Variants in LAMP1 observed in about 807,000 individuals in gnomAD.
The protein encoded by LAMP1 is lysosome associated membrane protein 1, also known as lysosome-associated membrane glycoprotein 1.
A neutral mutation model predicts 37.5 loss-of-function variants in LAMP1; 7 were observed. The ratio of observed to expected loss-of-function variants is 0.19; its 90% CI spans 0.11 to 0.35. The LOEUF is 0.35. Among genes scored for constraint, LAMP1 ranks in the 10% least tolerant of loss-of-function variants. The probability of loss-of-function intolerance (pLI) is 1.00; values close to 1 mark genes in which losing one functional copy is unlikely to be tolerated. For synonymous variants in LAMP1, 236 were observed against 229.1 expected (o/e 1.03, Z -0.27); for missense variants, 537 against 552.8 (o/e 0.97, Z 0.29).
intron 1 of LAMP1, among the ~76,000 whole-genome samples, chr13:113,298,318 G>T (rs1036552338): frequency 6.6e-6 from 1 of 152,088 alleles, no homozygotes; most frequent in Admixed American, 6.5e-5. Flanking sequence ...AGTGAATTTC[G>T]TTCTCATTTA....
intron 1 of LAMP1, among the ~76,000 whole-genome samples, chr13:113,302,346 G>A (rs1343658485): frequency 2.6e-5 from 4 of 151,908 alleles, no homozygotes; most frequent in Non-Finnish European, 5.9e-5. Context: ...CACCATGCCC[G>A]TCTAATTTTT....
At position 113,321,908 on chromosome 13, in the gene LAMP1, G is replaced by A. The variant is rs1188556515; in HGVS notation, c.1114+181G>A. ...TCCCCCTGCTTTAGAGAGGCCCAGCGTGTCTCTCAGCTGGGAGCCCCTGGT... is the reference window on the plus strand; with the variant it reads ...TCCCCCTGCTTTAGAGAGGCCCAGCATGTCTCTCAGCTGGGAGCCCCTGGT... On this transcript the variant is annotated intron_variant, in intron 8 of 8. Transcript: ENST00000332556. The surrounding 1 kb of genome is among the most constrained non-coding windows in gnomAD (Gnocchi z 5.6). 1.6e-5 allele frequency: 10 copies of A among 632,014 alleles called. No homozygotes were observed. The highest frequency in any genetic ancestry group is 2.8e-5 in the East Asian group (1 of 36,264). 39.2% of individuals were successfully genotyped at this position (632,014 alleles called of 1,614,324 possible).
chr13:113,300,347 G>GT (rs1397655507), intron 1 of LAMP1, among the ~76,000 whole-genome samples: 4 of 152,162 alleles, frequency 2.6e-5, no homozygotes, highest in Non-Finnish European at 2.9e-5. Context: ...CAGGCGTGGT[G>GT]TGGTGGCAGG....
chr13:113,320,368 C>T lies in LAMP1; in HGVS notation c.774C>T (p.Ile258=), dbSNP rs748135694. Residue 258 remains isoleucine, a synonymous_variant, in exon 6 of 9, where the codon ATC becomes ATT. Coordinates refer to ENST00000332556, the MANE Select transcript of LAMP1 (RefSeq NM_005561.4). This position sits in a 1 kb window ranked among gnomAD's most constrained non-coding sequence, Gnocchi z 4.4. ...AGACGGTGACAAGGCTTCTCAACAT[C>T]AACCCCAACAAGACCTCGGCCAGCG... ...DNTTVTRLLN[I]NPNKTSASGS... 2 of 1,614,010 alleles carry T rather than the reference C, an allele frequency of 1.2e-6. No homozygotes were observed. Among genetic ancestry groups the T allele is most frequent in the South Asian group, 2.2e-5 (2 of 91,082 alleles).
rs778442876 is a variant in LAMP1, at chr13:113,322,364, C to G, written c.1197C>G (p.Val399=). The part of the protein sequence containing the change: ...GGALAGLVLI[V]LIAYLVGRKR... ...CCCTGGCGGGGCTGGTCCTCATCGTCCTCATCGCCTACCTCGTCGGCAGGA... is the reference window on the plus strand; with the variant it reads ...CCCTGGCGGGGCTGGTCCTCATCGTGCTCATCGCCTACCTCGTCGGCAGGA... Residue 399 remains valine, a synonymous_variant, in exon 9 of 9, where the codon GTC becomes GTG. Coordinates refer to ENST00000332556, the MANE Select transcript of LAMP1 (RefSeq NM_005561.4). 90 of 1,613,664 alleles carry G rather than the reference C, an allele frequency of 5.6e-5. No homozygotes were observed. The Admixed American group carries it at 1.5e-3, about 27-fold the overall frequency.
intron 2 of LAMP1, among the ~76,000 whole-genome samples, chr13:113,309,293 G>T (rs1361527455): frequency 2.6e-5 from 4 of 152,030 alleles, no homozygotes; most frequent in African/African-American, 9.7e-5. Context: ...TAGAGATGGG[G>T]TCTTGCTATG....
In LAMP1 at chr13:113,306,985, G is replaced by A. The variant is rs538533791; in HGVS notation, c.183+379G>A. ...CTCCCCAGTAGCTGGGGCTACAGGCGCTCGCCACCACGCACAGCTAATATT... is the reference window on the plus strand; with the variant it reads ...CTCCCCAGTAGCTGGGGCTACAGGCACTCGCCACCACGCACAGCTAATATT... On this transcript the variant is annotated intron_variant, in intron 2 of 8. Coordinates refer to ENST00000332556, the MANE Select transcript of LAMP1 (RefSeq NM_005561.4). Among the ~76,000 whole-genome samples, 137 of 151,266 alleles carry A rather than the reference G, an allele frequency of 9.1e-4. 1 individual carries two copies. Among genetic ancestry groups the A allele is most frequent in the African/African-American group, 3.1e-3 (129 of 41,274 alleles).
rs902624805 is a variant in LAMP1 at position 113,320,846 on chromosome 13, T to G, written c.876+376T>G. ...AGCATATAATTGTCACTTGTCAGTC[T>G]TTTTAAATCGCTGTGCAAATGAATT... On this transcript the variant is annotated intron_variant, in intron 6 of 8. Transcript: ENST00000332556. This position sits in a 1 kb window ranked among gnomAD's most constrained non-coding sequence, Gnocchi z 4.4. 1.3e-5 allele frequency: 3 copies of G among 238,962 alleles called. No individual in the cohort carries two copies. Among genetic ancestry groups the G allele is most frequent in the Non-Finnish European group, 2.5e-5 (3 of 121,870 alleles). The allele number at this position is 238,962 out of a possible 1,614,324, so 14.8% of individuals were successfully genotyped here. A position where few individuals can be genotyped will look rare whatever the true frequency, so the allele number is the denominator to read the frequency against.
At chr13:113,305,230 A>T (rs1210636050) in intron 1 of LAMP1, 3 of 152,222 alleles carry the variant, frequency 2.0e-5, no homozygotes, top group Non-Finnish European at 4.4e-5. Flanking sequence ...AGAGTGACAG[A>T]TGAGACTCGG....
chr13:113,310,611 A>G (rs1450603126), intron 3 of LAMP1, 98 bp from the exon 4 acceptor site: 7 of 980,484 alleles, frequency 7.1e-6, no homozygotes, highest in African/African-American at 5.0e-5. Context: ...AGAAATCAAG[A>G]CTGGAATCTA....
At chr13:113,317,472 G>A (rs1350639722) in intron 4 of LAMP1, among the ~76,000 whole-genome samples, 1 of 152,168 alleles carries the variant, frequency 6.6e-6, no homozygotes, top group East Asian at 1.9e-4. Context: ...TTTTATTTGT[G>A]TTTCCAGCTT....
At position 113,320,163 on chromosome 13, in the gene LAMP1, C is replaced by T. The variant is rs894141448; in HGVS notation, c.751-182C>T. ...CGCTGCACTCCAAGAGCAGCTGTCACGGGGTCAGGGAGAGTCATCTTGGGA... is the reference window on the plus strand; with the variant it reads ...CGCTGCACTCCAAGAGCAGCTGTCATGGGGTCAGGGAGAGTCATCTTGGGA... On this transcript the variant is annotated intron_variant, in intron 5 of 8. Coordinates refer to ENST00000332556, the MANE Select transcript of LAMP1 (RefSeq NM_005561.4). This position sits in a 1 kb window ranked among gnomAD's most constrained non-coding sequence, Gnocchi z 4.4. Among the ~76,000 whole-genome samples the T allele has an allele frequency of 1.3e-5, 2 of 152,228 alleles. No individual in the cohort carries two copies. The highest frequency in any genetic ancestry group is 2.1e-4 in the South Asian group (1 of 4,826).
intron 4 of LAMP1, among the ~76,000 whole-genome samples, chr13:113,313,562 G>C (rs1051019189): frequency 6.6e-6 from 1 of 150,658 alleles, no homozygotes; most frequent in Non-Finnish European, 1.5e-5. Flanking sequence ...GAGGGAGTCA[G>C]TGTGGAGATG....
intron 2 of LAMP1, among the ~76,000 whole-genome samples, chr13:113,308,321 G>A (rs1000570531): frequency 1.7e-5 from 2 of 117,756 alleles, no homozygotes; most frequent in South Asian, 2.9e-4. Flanking sequence ...TGGCCTCCAA[G>A]CACTTTTTTT....
intron 4 of LAMP1, among the ~76,000 whole-genome samples, chr13:113,314,379 C>A (rs1262869777): frequency 5.8e-5 from 3 of 51,824 alleles, no homozygotes; most frequent in Non-Finnish European, 1.0e-4. Flanking sequence ...AGGGAACCAG[C>A]GTGGAGATGC....
rs375926415 is a variant in LAMP1 at position 113,306,489 on chromosome 13, C to G, written c.66C>G (p.Leu22=). 223 of 1,613,794 alleles carry G rather than the reference C, an allele frequency of 1.4e-4. No individual in the cohort carries two copies. The highest frequency in any genetic ancestry group is 1.8e-4 in the Non-Finnish European group (213 of 1,179,914). ...CGTCTTCCCTGGAATTGACAGGCCT[C>G]ATGCATTGTGCGTCAGCAGCAATGT... is the stretch of plus-strand genomic sequence containing the variant. ...LLLLLLLLLG[L]MHCASAAMFM... is the part of the protein sequence containing the mutation. Residue 22 remains leucine (L), a synonymous_variant, in exon 2 of 9, where the codon CTC becomes CTG. Transcript: ENST00000332556.
At chr13:113,302,044 T>C (rs2042577653) in intron 1 of LAMP1, among the ~76,000 whole-genome samples, 1 of 150,464 alleles carries the variant, frequency 6.6e-6, no homozygotes, top group African/African-American at 2.4e-5. Flanking sequence ...GTATTTTTAG[T>C]GGTGACAGGG....
chr13:113,315,050 T>C (rs1375703574), intron 4 of LAMP1, among the ~76,000 whole-genome samples: 6 of 129,110 alleles, frequency 4.6e-5, no homozygotes, highest in African/African-American at 1.2e-4. Context: ...AGGGAACCAG[T>C]GTGGAGATGT....
In LAMP1 at chr13:113,320,789, G is replaced by C. The variant is rs2042694715; in HGVS notation, c.876+319G>C. On this transcript the variant is annotated intron_variant, in intron 6 of 8. Coordinates refer to ENST00000332556, the MANE Select transcript of LAMP1 (RefSeq NM_005561.4). The surrounding 1 kb of genome is among the most constrained non-coding windows in gnomAD (Gnocchi z 4.4). The stretch of plus-strand genomic sequence containing the variant: ...CCGTGGTGGCATTTCTGCCTGGGAG[G>C]ACTCCTGTGCAGTTAGCAACATAAG... 5 of 385,954 alleles carry C rather than the reference G, an allele frequency of 1.3e-5. No homozygotes were observed. In the South Asian group the frequency reaches 2.0e-4, roughly 16 times the overall value. The allele number at this position is 385,954 out of a possible 1,614,324, so 23.9% of individuals were successfully genotyped here.
Sources: allele counts gnomAD v4.1 joint callset (sites outside exome capture counted in the v4.1 genomes callset), GRCh38; gene constraint gnomAD v4.1.1; non-coding constraint Gnocchi (gnomAD v3.1); transcripts MANE v1.5; gene names NCBI Gene and HGNC (gene_info 2026-07-23, HGNC 2026-07-21).